Variants in ARHGEF4 observed in about 807,000 individuals in gnomAD.
The protein encoded by ARHGEF4 is APC-stimulated guanine nucleotide exchange factor 1.
ARHGEF4 carries 119 observed loss-of-function variants against 162.0 expected under a neutral mutation model. The ratio of observed to expected loss-of-function variants is 0.73; its 90% CI spans 0.63 to 0.86. The LOEUF is 0.86. ARHGEF4 is among the 40% of genes least tolerant of loss of function. ARHGEF4 has a pLI of 0.00. For missense variants in ARHGEF4, 2,488 were observed against 2,456.0 expected (o/e 1.01, Z -0.28); for synonymous variants, 1,014 against 979.9 (o/e 1.03, Z -0.65).
intron 4 of ARHGEF4, among the ~76,000 whole-genome samples, chr2:130,976,719 G>A (rs1212028540): frequency 6.6e-6 from 1 of 152,210 alleles, no homozygotes; most frequent in Non-Finnish European, 1.5e-5. Flanking sequence ...TCAGACTGGG[G>A]GCAAGAGCTG....
chr2:130,919,743 G>T (rs1681753714), intron 2 of ARHGEF4, among the ~76,000 whole-genome samples: 1 of 152,108 alleles, frequency 6.6e-6, no homozygotes. Context: ...GGGCCTGGTG[G>T]TGGGCGCCTG....
chr2:130,918,822 T>C (rs575787282), intron 2 of ARHGEF4, among the ~76,000 whole-genome samples: 1 of 152,334 alleles, frequency 6.6e-6, no homozygotes, highest in South Asian at 2.1e-4. Flanking sequence ...CTAAAGGTTT[T>C]TTGTTGTTTT....
At chr2:130,981,673 G>GA (rs76020654) in intron 4 of ARHGEF4, among the ~76,000 whole-genome samples, 10 of 146,280 alleles carry the variant, frequency 6.8e-5, no homozygotes, top group Admixed American at 2.0e-4. Flanking sequence ...AAAAAAAAAA[G>GA]AAAAAAAAGA....
intron 1 of ARHGEF4, among the ~76,000 whole-genome samples, chr2:130,873,535 C>T (rs556750948): frequency 7.4e-5 from 11 of 149,636 alleles, no homozygotes; most frequent in Non-Finnish European, 1.3e-4. Flanking sequence ...TGCAGTGAGC[C>T]GAGACTGCGC....
At chr2:130,849,931 A>G (rs985287606) in intron 1 of ARHGEF4, among the ~76,000 whole-genome samples, 2 of 152,212 alleles carry the variant, frequency 1.3e-5, no homozygotes, top group African/African-American at 4.8e-5. Flanking sequence ...ATTGATGTGT[A>G]CATTTAACAT....
At chr2:131,030,325 GA>G in intron 5 of ARHGEF4, among the ~76,000 whole-genome samples, 1 of 152,118 alleles carries the variant, frequency 6.6e-6, no homozygotes, top group Non-Finnish European at 1.5e-5. Flanking sequence ...GGACTTCTCT[GA>G]AAAAATAACC....
rs971974352 is a variant in ARHGEF4 at position 130,841,205 on chromosome 2, CAGG to C, written c.39+4214_39+4216del. Among the ~76,000 whole-genome samples, 12 of 152,082 alleles carry C rather than the reference CAGG, an allele frequency of 7.9e-5. No individual in the cohort carries two copies. In the East Asian group the frequency reaches 1.4e-3, roughly 17 times the overall value. On this transcript the variant is annotated intron_variant, in intron 1 of 13. Transcript: ENST00000409359. ...TCAGCCTCCCAACTAGGTGGGATTA[CAGG>C]CACGCACCACCATGCCTGACTAATT...
chr2:130,999,443 A>T (rs1158482185), intron 4 of ARHGEF4, among the ~76,000 whole-genome samples: 2 of 152,116 alleles, frequency 1.3e-5, no homozygotes, highest in Non-Finnish European at 2.9e-5. Context: ...GGCATGAGCC[A>T]CTGTGCCCGG....
At chr2:130,889,552 C>T (rs562198064) in intron 1 of ARHGEF4, among the ~76,000 whole-genome samples, 2 of 151,988 alleles carry the variant, frequency 1.3e-5, no homozygotes, top group South Asian at 4.2e-4. Flanking sequence ...GTGGCTCAAA[C>T]CTGTAATCCC....
intron 5 of ARHGEF4, chr2:131,035,966 G>C (rs1043179775): frequency 3.6e-5 from 23 of 644,430 alleles, no homozygotes; most frequent in Non-Finnish European, 3.9e-5. Flanking sequence ...CCCTGCCCTG[G>C]GCTATTTGAG....
Position 130,914,516 on chromosome 2 carries a change from C to T in ARHGEF4, c.570C>T (p.Asp190=), listed in dbSNP as rs904203671. 1.8e-5 allele frequency: 25 copies of T among 1,427,890 alleles called. No homozygotes were observed. The highest frequency in any genetic ancestry group is 1.9e-5 in the Non-Finnish European group (21 of 1,096,816). 88.5% of individuals were successfully genotyped at this position (1,427,890 alleles called of 1,614,324 possible). A position where few individuals can be genotyped will look rare whatever the true frequency, so the allele number is the denominator to read the frequency against. The change falls in exon 2 of 14, where the codon GAC becomes GAT. Residue 190 remains aspartate (D), a synonymous_variant. Coordinates refer to ENST00000409359, the MANE Select transcript of ARHGEF4 (RefSeq NM_001367493.1). ...HTGCCLQRAT[D]SSGPEPVQGV... Reference sequence around the variant, plus strand: ...GGTGCTGCTTACAGAGGGCCACAGACAGCAGTGGTCCTGAGCCAGTACAGG... The same window carrying T: ...GGTGCTGCTTACAGAGGGCCACAGATAGCAGTGGTCCTGAGCCAGTACAGG...
intron 4 of ARHGEF4, among the ~76,000 whole-genome samples, chr2:130,982,611 T>TTTC (rs1278992670): frequency 1.3e-5 from 1 of 74,980 alleles, no homozygotes; most frequent in Middle Eastern, 6.9e-3. Context: ...CTCCTCCTCC[T>TTTC]CCTTTCTTCT....
intron 11 of ARHGEF4, among the ~76,000 whole-genome samples, chr2:131,043,915 C>T (rs2105419891): frequency 1.3e-5 from 2 of 152,320 alleles, no homozygotes; most frequent in Middle Eastern, 6.8e-3. Context: ...CTCTAGCCAC[C>T]TCCCAGCTTC....
At chr2:130,895,998 G>A (rs1238637971) in intron 1 of ARHGEF4, among the ~76,000 whole-genome samples, 1 of 152,072 alleles carries the variant, frequency 6.6e-6, no homozygotes, top group Non-Finnish European at 1.5e-5. Context: ...TTAATTTTAT[G>A]TATGGTGTGA....
In ARHGEF4 at chr2:130,914,420, A is replaced by G. The variant is rs1681368732; in HGVS notation, c.474A>G (p.Ala158=). Reference sequence around the variant, plus strand: ...CCACAGTTGCTGGAGAACAGGAGGCAGGACACCTCTGGGACTGCGCGACCA... The same window carrying G: ...CCACAGTTGCTGGAGAACAGGAGGCGGGACACCTCTGGGACTGCGCGACCA... ...AFATVAGEQE[A]GHLWDCATSL... is the part of the protein sequence containing the mutation. Residue 158 remains alanine, a synonymous_variant, in exon 2 of 14, where the codon GCA becomes GCG. Transcript: ENST00000409359. The G allele has an allele frequency of 5.5e-6, 8 of 1,442,836 alleles. No homozygotes were observed. The East Asian group carries it at 2.0e-4, about 36-fold the overall frequency. 89.4% of individuals were successfully genotyped at this position (1,442,836 alleles called of 1,614,324 possible).
Position 131,039,002 on chromosome 2 carries a change from C to A in ARHGEF4, c.4275C>A (p.Gly1425=). 1 of 1,613,184 alleles carries A rather than the reference C, an allele frequency of 6.2e-7. No homozygotes were observed. The highest frequency in any genetic ancestry group is 1.3e-5 in the African/African-American group (1 of 75,044). The change falls in exon 6 of 14, where the codon GGC becomes GGA. Residue 1425 remains glycine, a synonymous_variant. Coordinates refer to ENST00000409359, the MANE Select transcript of ARHGEF4 (RefSeq NM_001367493.1). ...GGTGGTGGGGCCGGGTCGCCGATGG[C>A]GAGGGCTGGTTTCCAGCCAGCTTCG... The part of the protein sequence containing the change: ...REWWWGRVAD[G]EGWFPASFVR...
intron 2 of ARHGEF4, among the ~76,000 whole-genome samples, chr2:130,926,041 T>TTTCTTTCTTTCTTTCTTTCC: frequency 9.0e-6 from 1 of 111,108 alleles, no homozygotes; most frequent in East Asian, 2.2e-4. Context: ...TCTTTCTTTC[T>TTTCTTTCTTTCTTTCTTTCC]TTCTTTCTCT....
Position 130,926,048 on chromosome 2 carries a change from C to CTTTCTTTCTTTCTCTCTCTCTCTT in ARHGEF4, c.3553-4903_3553-4902insTTCTTTCTTTCTCTCTCTCTCTTT. Among the ~76,000 whole-genome samples, 19 of 53,456 alleles carry CTTTCTTTCTTTCTCTCTCTCTCTT rather than the reference C, an allele frequency of 3.6e-4. 1 individual carries two copies. Among genetic ancestry groups the CTTTCTTTCTTTCTCTCTCTCTCTT allele is most frequent in the African/African-American group, 1.1e-3 (18 of 16,274 alleles). 35.1% of individuals were successfully genotyped at this position (53,456 alleles called of 152,430 possible). ...TCTTTCTTTCTTTCTTTCTTTCTTT[C>CTTTCTTTCTTTCTCTCTCTCTCTT]TCTTTCTTTCTTTCTTTCTTTCTTT... is the stretch of plus-strand genomic sequence containing the variant. On this transcript the variant is annotated intron_variant, in intron 2 of 13. Transcript: ENST00000409359.
In ARHGEF4 at chr2:130,846,555, C is replaced by G. The variant is rs529359185; in HGVS notation, c.39+9563C>G. Among the ~76,000 whole-genome samples the G allele has an allele frequency of 2.0e-5, 3 of 152,142 alleles. No individual in the cohort carries two copies. The South Asian group carries it at 6.2e-4, about 32-fold the overall frequency. On this transcript the variant is annotated intron_variant, in intron 1 of 13. Transcript: ENST00000409359. Reference sequence around the variant, plus strand: ...CGTGGGGAGGTGCACATGGGGAGAGCGATATGGGACGGCGAGAGAGAAGGG... The same window carrying G: ...CGTGGGGAGGTGCACATGGGGAGAGGGATATGGGACGGCGAGAGAGAAGGG...
Sources: allele counts gnomAD v4.1 joint callset (sites outside exome capture counted in the v4.1 genomes callset), GRCh38; gene constraint gnomAD v4.1.1; transcripts MANE v1.5; gene names NCBI Gene and HGNC (gene_info 2026-07-23, HGNC 2026-07-21).